Variants in PCDHA5 observed in about 807,000 individuals in gnomAD.
The protein encoded by PCDHA5 is protocadherin alpha-5.
A neutral mutation model predicts 61.6 loss-of-function variants in PCDHA5; 43 were observed. The observed-to-expected ratio is 0.70, with a 90% CI of 0.55 to 0.90. The LOEUF (loss-of-function observed/expected upper bound fraction) is 0.90. PCDHA5 is among the 40% of genes least tolerant of loss of function. PCDHA5 has a pLI of 0.00. For synonymous variants in PCDHA5, 627 were observed against 543.9 expected, an observed-to-expected ratio of 1.15 and a Z score of -2.13; for missense variants, 1,298 against 1,222.7, an observed-to-expected ratio of 1.06 and a Z score of -0.92.
intron 1 of PCDHA5, among the ~76,000 whole-genome samples, chr5:140,900,283 C>A (rs1325528461): frequency 6.6e-6 from 1 of 151,666 alleles, no homozygotes; most frequent in Non-Finnish European, 1.5e-5. Flanking sequence ...ACCACACTTT[C>A]TTTTCTGTTT....
chr5:140,849,298 A>T lies in PCDHA5; in HGVS notation c.2352+25171A>T, dbSNP rs1182153594. 25 of 1,269,106 alleles carry T rather than the reference A, an allele frequency of 2.0e-5. No individual in the cohort carries two copies. The highest frequency in any genetic ancestry group is 2.6e-5 in the Non-Finnish European group (24 of 927,200). 78.6% of individuals were successfully genotyped at this position (1,269,106 alleles called of 1,614,324 possible). On this transcript the variant is annotated intron_variant, in intron 1 of 3. Transcript: ENST00000529859. ...CTGGTGATTCACCCCAATGCCTCAG[A>T]TTTAGACGAAGGCTTGAATGGGGAT... is the stretch of plus-strand genomic sequence containing the variant.
chr5:140,928,223 A>G (rs2085050678), intron 1 of PCDHA5: 1 of 1,614,178 alleles, frequency 6.2e-7, no homozygotes. Flanking sequence ...AATACACCAA[A>G]CTTTCCTCAA....
intron 1 of PCDHA5, chr5:140,862,823 C>A (rs782375120): frequency 8.7e-6 from 5 of 571,444 alleles, no homozygotes; most frequent in Admixed American, 1.9e-5. Flanking sequence ...TAGGTGAGAG[C>A]GCGCGACGCG....
At chr5:140,869,231 C>T (rs781820629) in intron 1 of PCDHA5, 29 of 1,613,712 alleles carry the variant, frequency 1.8e-5, no homozygotes, top group Non-Finnish European at 2.3e-5. Context: ...AAACACGGCA[C>T]CTTCGTGGGC....
intron 1 of PCDHA5, chr5:140,860,111 A>T (rs1337460322): frequency 6.6e-6 from 1 of 151,186 alleles, no homozygotes; most frequent in African/African-American, 2.4e-5. Context: ...CGACATAGGG[A>T]TATCTTGTAC....
chr5:141,011,299 CTGAA>C lies in PCDHA5; in HGVS notation c.*1364_*1367del, dbSNP rs1554263406. ...TTTAGTTTTCCTTTTCTATAACACT[CTGAA>C]TTGCTAATCTTACTAACACCTATGA... is the stretch of plus-strand genomic sequence containing the variant. On this transcript the variant is annotated 3_prime_UTR_variant, in exon 4 of 4. Coordinates refer to ENST00000529859, the MANE Select transcript of PCDHA5 (RefSeq NM_018908.3). 1 of 153,768 alleles carries C rather than the reference CTGAA, an allele frequency of 6.5e-6. No homozygotes were observed. Among genetic ancestry groups the C allele is most frequent in the East Asian group, 1.9e-4 (1 of 5,198 alleles). The allele number at this position is 153,768 out of a possible 1,614,324, so 9.5% of individuals were successfully genotyped here.
At chr5:140,955,102 C>A (rs2095137498) in intron 1 of PCDHA5, among the ~76,000 whole-genome samples, 1 of 151,988 alleles carries the variant, frequency 6.6e-6, no homozygotes, top group Admixed American at 6.6e-5. Context: ...GGTGTTATTT[C>A]TGAGTTCTCT....
intron 1 of PCDHA5, among the ~76,000 whole-genome samples, chr5:140,925,953 C>T (rs1438087673): frequency 1.3e-5 from 2 of 152,090 alleles, no homozygotes; most frequent in Non-Finnish European, 2.9e-5. Context: ...GAAGGAGAAA[C>T]TGCTATCACG....
At chr5:140,876,957 G>T (rs2056730695) in intron 1 of PCDHA5, 7 of 1,613,178 alleles carry the variant, frequency 4.3e-6, no homozygotes, top group Non-Finnish European at 5.9e-6. Context: ...ACTCGCTGGT[G>T]GAGCGGCGGG....
intron 1 of PCDHA5, chr5:140,929,720 C>A (rs146702581): frequency 4.5e-6 from 1 of 224,040 alleles, no homozygotes; most frequent in Admixed American, 5.9e-5. Context: ...GAAGGTGAAA[C>A]ATTTACTTAA....
chr5:140,942,443 A>G (rs1204508547), intron 1 of PCDHA5, among the ~76,000 whole-genome samples: 2 of 152,100 alleles, frequency 1.3e-5, no homozygotes, highest in African/African-American at 4.8e-5. Flanking sequence ...ATAAACAAGT[A>G]AACTATCAAT....
intron 1 of PCDHA5, chr5:140,871,330 G>A: frequency 1.9e-6 from 3 of 1,614,116 alleles, no homozygotes; most frequent in South Asian, 1.1e-5. Flanking sequence ...GTGCTCCCGC[G>A]CGGTGGGGAG....
chr5:140,823,140 G>C lies in PCDHA5; in HGVS notation c.1365G>C (p.Ala455=), dbSNP rs373077783. 4.0e-5 allele frequency: 64 copies of C among 1,614,000 alleles called. No homozygotes were observed. The highest frequency in any genetic ancestry group is 5.3e-5 in the Non-Finnish European group (62 of 1,179,956). ...ADVNDNAPAF[A]QPQYTVFVKE... is the part of the protein sequence containing the mutation. ...TGAACGACAACGCTCCGGCGTTCGC[G>C]CAGCCCCAGTATACCGTGTTCGTGA... Residue 455 remains alanine, a synonymous_variant, in exon 1 of 4, where the codon GCG becomes GCC. Coordinates refer to ENST00000529859, the MANE Select transcript of PCDHA5 (RefSeq NM_018908.3).
At chr5:140,827,119 C>G (rs1259268754) in intron 1 of PCDHA5, among the ~76,000 whole-genome samples, 3 of 151,928 alleles carry the variant, frequency 2.0e-5, no homozygotes, top group Non-Finnish European at 4.4e-5. Flanking sequence ...GTGAAAGTGA[C>G]AATTAGAAAC....
In PCDHA5 at chr5:140,828,948, C is replaced by A. The variant is rs2150161275; in HGVS notation, c.2352+4821C>A. 4.6e-5 allele frequency: 74 copies of A among 1,614,030 alleles called. No individual in the cohort carries two copies. The highest frequency in any genetic ancestry group is 1.5e-4 in the Admixed American group (9 of 59,998). On this transcript the variant is annotated intron_variant, in intron 1 of 3. Coordinates refer to ENST00000529859, the MANE Select transcript of PCDHA5 (RefSeq NM_018908.3). ...TCATATTCTTTTAATAGCCTTGTTG[C>A]AGCCATGGTTATTGACCACTTTAGC...
intron 1 of PCDHA5, chr5:140,875,308 A>G (rs757619394): frequency 2.7e-5 from 39 of 1,423,476 alleles, no homozygotes; most frequent in Non-Finnish European, 3.4e-5. Flanking sequence ...CTCCGCACCC[A>G]CATTCCAATC....
At chr5:140,971,695 A>G (rs563817946) in intron 1 of PCDHA5, among the ~76,000 whole-genome samples, 26 of 152,062 alleles carry the variant, frequency 1.7e-4, no homozygotes, top group Admixed American at 5.2e-4. Flanking sequence ...GTACTCACTA[A>G]CCACCCTGCT....
chr5:140,850,299 G>A, intron 1 of PCDHA5: 1 of 1,596,610 alleles, frequency 6.3e-7, no homozygotes, highest in Non-Finnish European at 8.6e-7. Flanking sequence ...CGCCGACTCG[G>A]GCTACAACGC....
At position 141,010,163 on chromosome 5, in the gene PCDHA5, C is replaced by T; in HGVS notation, c.*226C>T. Reference sequence around the variant, plus strand: ...CTTTCTCTCCACTCTGGCTTGTTTTCAGAACCTAAAAAGCAGACCCAAGTT... The same window carrying T: ...CTTTCTCTCCACTCTGGCTTGTTTTTAGAACCTAAAAAGCAGACCCAAGTT... On this transcript the variant is annotated 3_prime_UTR_variant, in exon 4 of 4. Transcript: ENST00000529859. 1 of 1,565,826 alleles carries T rather than the reference C, an allele frequency of 6.4e-7. No homozygotes were observed. The highest frequency in any genetic ancestry group is 8.7e-7 in the Non-Finnish European group (1 of 1,154,220).
Sources: allele counts gnomAD v4.1 joint callset (sites outside exome capture counted in the v4.1 genomes callset), GRCh38; gene constraint gnomAD v4.1.1; transcripts MANE v1.5; gene names NCBI Gene and HGNC (gene_info 2026-07-23, HGNC 2026-07-21).